Variants in DDA1 observed in about 807,000 individuals in gnomAD.
DDA1 encodes DET1- and DDB1-associated protein 1.
In DDA1, 3 loss-of-function variants were observed where a neutral mutation model predicts 18.6. The ratio of observed to expected loss-of-function variants is 0.16; its 90% CI spans 0.07 to 0.42. The LOEUF is 0.42. DDA1 is among the 10% of genes least tolerant of loss of function. The pLI is 0.99. For synonymous variants in DDA1, 52 were observed against 54.0 expected (o/e 0.96, Z 0.17); for missense variants, 105 against 138.2 (o/e 0.76, Z 1.20).
rs776359582 is a variant in DDA1, at chr19:17,314,155, G to C, written c.84+52G>C. On this transcript the variant is annotated intron_variant, in intron 2 of 4. Coordinates refer to ENST00000359866, the MANE Select transcript of DDA1 (RefSeq NM_024050.6). The surrounding 1 kb of genome is among the most constrained non-coding windows in gnomAD (Gnocchi z 4.6). The stretch of plus-strand genomic sequence containing the variant: ...GGAATTGGTCACTTCCAGGGGGCCT[G>C]GGGGCAGCTTGTGTCCCCCGATTGG... The C allele has an allele frequency of 1.4e-5, 22 of 1,595,096 alleles. No individual in the cohort carries two copies. In the East Asian group the frequency reaches 3.8e-4, roughly 28 times the overall value.
chr19:17,309,790 C>T, intron 1 of DDA1, 133 bp downstream of exon 1: 1 of 1,213,012 alleles, frequency 8.2e-7, no homozygotes, highest in Non-Finnish European at 1.1e-6. Context: ...GCCCCTCCCA[C>T]TCACCTGTGA....
intron 3 of DDA1, 93 bp from the exon 4 acceptor site, chr19:17,315,841 A>T: frequency 1.7e-6 from 2 of 1,186,258 alleles, no homozygotes; most frequent in Non-Finnish European, 2.5e-6. Flanking sequence ...GGGGGTACTG[A>T]GTTCCAGCCC....
intron 1 of DDA1, among the ~76,000 whole-genome samples, chr19:17,313,010 C>G (rs986849083): frequency 2.0e-5 from 3 of 152,142 alleles, no homozygotes; most frequent in Admixed American, 2.0e-4. Flanking sequence ...ATTGGGGACA[C>G]TGCTGTTCCT....
At chr19:17,315,835 G>A in intron 3 of DDA1, 99 bp from the exon 4 acceptor site, 2 of 1,085,342 alleles carry the variant, frequency 1.8e-6, no homozygotes, top group South Asian at 1.3e-5. Context: ...GGAGTTGGGG[G>A]TACTGAGTTC....
Position 17,321,613 on chromosome 19 carries a change from T to C in DDA1, c.*1957T>C, listed in dbSNP as rs992117121. The C allele has an allele frequency of 2.0e-5, 3 of 152,348 alleles. No homozygotes were observed. The highest frequency in any genetic ancestry group is 7.2e-5 in the African/African-American group (3 of 41,442). 9.4% of individuals were successfully genotyped at this position (152,348 alleles called of 1,614,324 possible). On this transcript the variant is annotated 3_prime_UTR_variant, in exon 5 of 5. Coordinates refer to ENST00000359866, the MANE Select transcript of DDA1 (RefSeq NM_024050.6). The stretch of plus-strand genomic sequence containing the variant: ...TGAGGGCGTTGGGATGGTGTAGGGT[T>C]GGGCCACAGAGCTAGCAGACACTCC...
Position 17,315,698 on chromosome 19 carries a change from G to A in DDA1, c.137-236G>A, listed in dbSNP as rs1430920996. The A allele has an allele frequency of 5.0e-6, 3 of 604,348 alleles. No homozygotes were observed. In the African/African-American group the frequency reaches 5.5e-5, roughly 11 times the overall value. The allele number at this position is 604,348 out of a possible 1,614,324, so 37.4% of individuals were successfully genotyped here. A position where few individuals can be genotyped will look rare whatever the true frequency, so the allele number is the denominator to read the frequency against. On this transcript the variant is annotated intron_variant, in intron 3 of 4. Transcript: ENST00000359866. Reference sequence around the variant, plus strand: ...TAGGCATGAGAGTCTCAGTTGCGGGGCTTGGTCCCCCACCAAGGGTGGAAT... The same window carrying A: ...TAGGCATGAGAGTCTCAGTTGCGGGACTTGGTCCCCCACCAAGGGTGGAAT...
intron 1 of DDA1, among the ~76,000 whole-genome samples, chr19:17,311,747 C>T (rs2074179996): frequency 6.6e-6 from 1 of 152,206 alleles, no homozygotes; most frequent in Non-Finnish European, 1.5e-5. Flanking sequence ...GCCCCCAGTT[C>T]TCTGCTATTA....
chr19:17,314,691 C>T lies in DDA1; in HGVS notation c.136+302C>T, dbSNP rs559991149. 6.8e-6 allele frequency: 3 copies of T among 440,248 alleles called. No individual in the cohort carries two copies. The highest frequency in any genetic ancestry group is 4.5e-5 in the East Asian group (1 of 22,070). 27.3% of individuals were successfully genotyped at this position (440,248 alleles called of 1,614,324 possible). Reference sequence around the variant, plus strand: ...CTTGATTGGGACACACTGGGATCCACAGCCAGCCCAAAGGGGCCCCCAAGT... The same window carrying T: ...CTTGATTGGGACACACTGGGATCCATAGCCAGCCCAAAGGGGCCCCCAAGT... On this transcript the variant is annotated intron_variant, in intron 3 of 4. Transcript: ENST00000359866. This position sits in a 1 kb window ranked among gnomAD's most constrained non-coding sequence, Gnocchi z 4.6.
intron 1 of DDA1, chr19:17,310,309 A>G (rs1277495740): frequency 6.6e-6 from 1 of 152,316 alleles, no homozygotes; most frequent in African/African-American, 2.4e-5. Context: ...TGAATGCTCA[A>G]CAGATGAGCT....
chr19:17,319,673 G>A lies in DDA1; in HGVS notation c.*17G>A. 1 of 1,551,732 alleles carries A rather than the reference G, an allele frequency of 6.4e-7. No homozygotes were observed. The highest frequency in any genetic ancestry group is 8.7e-7 in the Non-Finnish European group (1 of 1,146,686). Reference sequence around the variant, plus strand: ...GACACTTAAGACTCTCAACTCCACAGGCGCCTCCTGCCAGGTCTGCTCCTC... The same window carrying A: ...GACACTTAAGACTCTCAACTCCACAAGCGCCTCCTGCCAGGTCTGCTCCTC... On this transcript the variant is annotated 3_prime_UTR_variant, in exon 5 of 5. Coordinates refer to ENST00000359866, the MANE Select transcript of DDA1 (RefSeq NM_024050.6).
intron 1 of DDA1, 36 bp downstream of exon 1, chr19:17,309,693 C>T (rs751685410): frequency 6.2e-7 from 1 of 1,608,086 alleles, no homozygotes; most frequent in East Asian, 2.3e-5. Flanking sequence ...TCCCCCTCTG[C>T]TAGACAAAAT....
In DDA1 at chr19:17,314,369, G is replaced by A. The variant is rs777765546; in HGVS notation, c.116G>A (p.Arg39His). 5.5e-5 allele frequency: 88 copies of A among 1,614,198 alleles called. No homozygotes were observed. Among genetic ancestry groups the A allele is most frequent in the Non-Finnish European group, 7.2e-5 (85 of 1,180,036 alleles). The change falls in exon 3 of 5, where the codon CGC (arginine) becomes CAC (histidine). Residue 39 changes from arginine (R) to histidine (H), a missense_variant. This residue lies in a region of DDA1 where 43 missense variants were observed against 82.3 expected (regional missense o/e 0.52). Coordinates refer to ENST00000359866, the MANE Select transcript of DDA1 (RefSeq NM_024050.6). The surrounding 1 kb of genome is among the most constrained non-coding windows in gnomAD (Gnocchi z 4.6). ...CGGCCCTCAGTCTACCTGCCTACCC[G>A]CGAGTACCCGTCTGAACAGAGTAAG... ...NRRPSVYLPT[R>H]EYPSEQIIVT...
chr19:17,319,206 C>G (rs897997260), intron 4 of DDA1, among the ~76,000 whole-genome samples: 1 of 152,126 alleles, frequency 6.6e-6, no homozygotes, highest in African/African-American at 2.4e-5. Context: ...GTGCTCTGGG[C>G]AGGGCTTAGT....
At chr19:17,316,991 C>A (rs1279958833) in intron 4 of DDA1, among the ~76,000 whole-genome samples, 2 of 152,214 alleles carry the variant, frequency 1.3e-5, no homozygotes, top group African/African-American at 4.8e-5. Flanking sequence ...CTTTGGGAGG[C>A]CTACGCAGGC....
At position 17,316,729 on chromosome 19, in the gene DDA1, T is replaced by G. The variant is rs539480386; in HGVS notation, c.198+734T>G. Among the ~76,000 whole-genome samples the G allele has an allele frequency of 8.0e-5, 12 of 149,280 alleles. No individual in the cohort carries two copies. The East Asian group carries it at 2.4e-3, about 30-fold the overall frequency. On this transcript the variant is annotated intron_variant, in intron 4 of 4. Coordinates refer to ENST00000359866, the MANE Select transcript of DDA1 (RefSeq NM_024050.6). ...CTCTACTAAAAAATACAAAAAAAAA[T>G]TAGCCAGGTATGCTGGTGGGCGCCT...
chr19:17,309,630 G>T lies in DDA1; in HGVS notation c.-25G>T, dbSNP rs985534727. 5 of 1,612,742 alleles carry T rather than the reference G, an allele frequency of 3.1e-6. No individual in the cohort carries two copies. The highest frequency in any genetic ancestry group is 4.2e-6 in the Non-Finnish European group (5 of 1,179,344). ...GGCGGTGGAGGCTGAGGCGGCGGCC[G>T]AGGCGGCGACGGAGGAAACAGAAGA... On this transcript the variant is annotated 5_prime_UTR_variant, in exon 1 of 5. Transcript: ENST00000359866.
Position 17,309,607 on chromosome 19 carries a change from C to G in DDA1, c.-48C>G. 1 of 1,599,858 alleles carries G rather than the reference C, an allele frequency of 6.3e-7. No homozygotes were observed. The highest frequency in any genetic ancestry group is 8.6e-7 in the Non-Finnish European group (1 of 1,168,852). On this transcript the variant is annotated 5_prime_UTR_variant, in exon 1 of 5. Transcript: ENST00000359866. Reference sequence around the variant, plus strand: ...GCTAAGAAGGCGGCTCTGGTGGCGGCGGTGGAGGCTGAGGCGGCGGCCGAG... The same window carrying G: ...GCTAAGAAGGCGGCTCTGGTGGCGGGGGTGGAGGCTGAGGCGGCGGCCGAG...
chr19:17,315,612 G>T (rs897129728), intron 3 of DDA1, among the ~76,000 whole-genome samples: 3 of 151,728 alleles, frequency 2.0e-5, no homozygotes, highest in African/African-American at 7.3e-5. Context: ...TGTGGGGTGG[G>T]ACTGTGTGGT....
intron 3 of DDA1, chr19:17,315,696 G>A: frequency 1.7e-6 from 1 of 600,946 alleles, no homozygotes; most frequent in South Asian, 1.9e-5. Context: ...CTCAGTTGCG[G>A]GGCTTGGTCC....
Sources: gnomAD v4.1 joint callset for allele counts (sites outside exome capture counted in the v4.1 genomes callset) on GRCh38, gnomAD v4.1.1 for gene constraint, gnomAD v4.1.1 regional missense constraint, Gnocchi (gnomAD v3.1) non-coding constraint, MANE v1.5 for transcripts, NCBI Gene and HGNC (gene_info 2026-07-23, HGNC 2026-07-21) for gene names.